TAOK3: variants seen among roughly 807,000 people sequenced by gnomAD.
TAOK3 encodes serine/threonine-protein kinase TAO3.
In TAOK3, 40 loss-of-function variants were observed where a neutral mutation model predicts 120.4. The observed-to-expected ratio is 0.33, with a 90% CI of 0.26 to 0.43. The LOEUF (loss-of-function observed/expected upper bound fraction) is 0.43. Ranked by LOEUF, TAOK3 falls within the 20% of genes least tolerant of loss-of-function variation. TAOK3 has a pLI of 1.00. For synonymous variants in TAOK3, 355 were observed against 387.5 expected, an observed-to-expected ratio of 0.92 and a Z score of 0.99; for missense variants, 821 against 1,112.1, an observed-to-expected ratio of 0.74 and a Z score of 3.72.
chr12:118,204,026 A>C (rs61945175), intron 11 of TAOK3, among the ~76,000 whole-genome samples: 1 of 151,760 alleles, frequency 6.6e-6, no homozygotes, highest in Non-Finnish European at 1.5e-5. Flanking sequence ...AGCACTTTGG[A>C]AGGCCGAGGC....
chr12:118,168,435 T>C (rs181421360), intron 17 of TAOK3, among the ~76,000 whole-genome samples: 13 of 152,352 alleles, frequency 8.5e-5, no homozygotes, highest in Non-Finnish European at 1.3e-4. Context: ...TCACAATGTA[T>C]ACATATATCA....
intron 1 of TAOK3, among the ~76,000 whole-genome samples, chr12:118,290,631 T>C (rs2042435723): frequency 6.6e-6 from 1 of 152,198 alleles, no homozygotes; most frequent in Admixed American, 6.5e-5. Context: ...AGTGGCCAGA[T>C]CTCAGCTCAC....
chr12:118,301,732 C>T (rs1593465069), intron 1 of TAOK3, among the ~76,000 whole-genome samples: 1 of 151,528 alleles, frequency 6.6e-6, no homozygotes, highest in Non-Finnish European at 1.5e-5. Context: ...GTCCCAGCTA[C>T]TCAGGAGGCT....
chr12:118,246,262 G>A, intron 3 of TAOK3: 1 of 1,496,844 alleles, frequency 6.7e-7, no homozygotes, highest in Non-Finnish European at 9.2e-7. Context: ...GATAAGGAGT[G>A]GATGCCCGTC....
chr12:118,309,481 A>T (rs1234554554), intron 1 of TAOK3, among the ~76,000 whole-genome samples: 2 of 151,638 alleles, frequency 1.3e-5, no homozygotes, highest in Non-Finnish European at 1.5e-5. Flanking sequence ...CTCCCTGCAA[A>T]TCTACCCTCC....
At chr12:118,251,502 C>T (rs2040749357) in intron 3 of TAOK3, among the ~76,000 whole-genome samples, 2 of 152,006 alleles carry the variant, frequency 1.3e-5, no homozygotes, top group South Asian at 2.1e-4. Flanking sequence ...TTTATCAATG[C>T]CACTCTGCTA....
intron 9 of TAOK3, among the ~76,000 whole-genome samples, chr12:118,232,111 T>C (rs201169851): frequency 2.6e-5 from 4 of 152,274 alleles, no homozygotes; most frequent in East Asian, 1.9e-4. Flanking sequence ...GTGAATAGCA[T>C]TGGCTATAGT....
chr12:118,216,239 T>G (rs544407076), intron 9 of TAOK3, among the ~76,000 whole-genome samples: 13 of 152,226 alleles, frequency 8.5e-5, no homozygotes, highest in African/African-American at 3.1e-4. Context: ...GCTATCCTCC[T>G]GCCTCAGCCT....
intron 1 of TAOK3, among the ~76,000 whole-genome samples, chr12:118,337,588 A>T (rs543593085): frequency 1.5e-4 from 23 of 152,352 alleles, no homozygotes; most frequent in African/African-American, 5.5e-4. Context: ...AACAACAAAA[A>T]GGTATTAACT....
chr12:118,351,023 A>G (rs1290313801), intron 1 of TAOK3, among the ~76,000 whole-genome samples: 1 of 150,516 alleles, frequency 6.6e-6, no homozygotes, highest in Non-Finnish European at 1.5e-5. Context: ...TACAAAAAAT[A>G]CAAAAATTGG....
chr12:118,174,888 CTGACCTCAGT>C (rs1463783047), intron 16 of TAOK3, among the ~76,000 whole-genome samples: 2 of 152,124 alleles, frequency 1.3e-5, no homozygotes, highest in Non-Finnish European at 2.9e-5. Flanking sequence ...TCTTGAACTC[CTGACCTCAGT>C]TGATCCACCC....
intron 1 of TAOK3, among the ~76,000 whole-genome samples, chr12:118,323,997 T>C (rs989981642): frequency 1.2e-4 from 19 of 152,206 alleles, no homozygotes; most frequent in African/African-American, 4.6e-4. Flanking sequence ...CATTTAATCA[T>C]AGTCCACTAA....
rs112187501 is a variant in TAOK3 at position 118,231,242 on chromosome 12, C to T, written c.643+2432G>A. Among the ~76,000 whole-genome samples, 841 of 152,104 alleles carry T rather than the reference C, an allele frequency of 5.5e-3. 3 individuals are homozygous for T. The highest frequency in any genetic ancestry group is 0.019 in the African/African-American group (779 of 41,468). ...TGTGTTGGCAGGGGTGGTGTAGGAA[C>T]TGTGTAGATAGGGCAGGGGTGGAAG... On this transcript the variant is annotated intron_variant, in intron 9 of 20. Coordinates refer to ENST00000392533, the MANE Select transcript of TAOK3 (RefSeq NM_016281.4).
chr12:118,170,404 A>T (rs1469946494), intron 17 of TAOK3, among the ~76,000 whole-genome samples: 1 of 152,138 alleles, frequency 6.6e-6, no homozygotes, highest in African/African-American at 2.4e-5. Context: ...CATTCTGTGT[A>T]TTACTGTCAA....
intron 13 of TAOK3, among the ~76,000 whole-genome samples, chr12:118,190,781 A>C (rs550416874): frequency 1.3e-5 from 2 of 152,342 alleles, no homozygotes; most frequent in African/African-American, 4.8e-5. Context: ...TGGAAGGATA[A>C]TAATGGATGT....
At chr12:118,313,565 C>T (rs1593505676) in intron 1 of TAOK3, among the ~76,000 whole-genome samples, 3 of 152,178 alleles carry the variant, frequency 2.0e-5, no homozygotes, top group Non-Finnish European at 2.9e-5. Flanking sequence ...GCGTAGCCAC[C>T]GCATAGGCTG....
intron 1 of TAOK3, among the ~76,000 whole-genome samples, chr12:118,342,935 T>TAAA (rs760467619): frequency 1.0e-4 from 6 of 59,648 alleles, no homozygotes; most frequent in East Asian, 4.7e-4. Flanking sequence ...CTCTGTCTGC[T>TAAA]AAAAAAAAAA....
At chr12:118,324,411 T>C (rs2043844000) in intron 1 of TAOK3, among the ~76,000 whole-genome samples, 1 of 152,214 alleles carries the variant, frequency 6.6e-6, no homozygotes, top group Admixed American at 6.5e-5. Context: ...TTTTAATTAT[T>C]TTAAAATATC....
At chr12:118,278,888 C>T (rs143465494) in intron 1 of TAOK3, among the ~76,000 whole-genome samples, 38 of 152,228 alleles carry the variant, frequency 2.5e-4, no homozygotes, top group African/African-American at 8.9e-4. Flanking sequence ...CTCACCACAA[C>T]CTCCGCCTCC....
Sources: gnomAD v4.1 joint callset for allele counts (sites outside exome capture counted in the v4.1 genomes callset) on GRCh38, gnomAD v4.1.1 for gene constraint, MANE v1.5 for transcripts, NCBI Gene and HGNC (gene_info 2026-07-23, HGNC 2026-07-21) for gene names.